CSMD1: variants seen among roughly 807,000 people sequenced by gnomAD.
CSMD1 encodes the protein CUB and Sushi multiple domains 1, also known as CUB and sushi domain-containing protein 1.
CSMD1 carries 213 observed loss-of-function variants against 417.5 expected under a neutral mutation model. That is an observed-to-expected ratio of 0.51 (90% confidence interval 0.46 to 0.57). The LOEUF (loss-of-function observed/expected upper bound fraction) is 0.57, where lower values mean the gene tolerates loss of function less well. Among genes scored for constraint, CSMD1 ranks in the 20% least tolerant of loss-of-function variants. The pLI is 0.00. For missense variants in CSMD1, 6,923 were observed against 4,529.7 expected (o/e 1.53, Z -15.17); for synonymous variants, 2,862 against 1,736.8 (o/e 1.65, Z -16.11).
At chr8:4,282,615 T>C (rs185597848) in intron 3 of CSMD1, among the ~76,000 whole-genome samples, 23 of 152,322 alleles carry the variant, frequency 1.5e-4, no homozygotes, top group Admixed American at 8.5e-4. Context: ...GGGAGAAAGG[T>C]AGTTAGTATA....
intron 7 of CSMD1, among the ~76,000 whole-genome samples, chr8:3,648,698 T>C (rs1484275680): frequency 6.6e-6 from 1 of 152,190 alleles, no homozygotes; most frequent in Non-Finnish European, 1.5e-5. Flanking sequence ...AAAAATGGTC[T>C]AAAAAGTGCC....
rs144430608 is a variant in CSMD1 at position 4,240,597 on chromosome 8, C to G, written c.415+179356G>C. On this transcript the variant is annotated intron_variant, in intron 3 of 69. Coordinates refer to ENST00000635120, the MANE Select transcript of CSMD1 (RefSeq NM_033225.6). ...TTTATCTTTTAGCTCAAAATGAACTCCTTTCACACTGAGGATGGCTATCCA... is the reference window on the plus strand; with the variant it reads ...TTTATCTTTTAGCTCAAAATGAACTGCTTTCACACTGAGGATGGCTATCCA... Among the ~76,000 whole-genome samples, 597 of 152,238 alleles carry G rather than the reference C, an allele frequency of 3.9e-3. 3 individuals carry two copies. Among genetic ancestry groups the G allele is most frequent in the African/African-American group, 0.014 (572 of 41,550 alleles).
At chr8:3,924,791 C>A (rs892941228) in intron 5 of CSMD1, among the ~76,000 whole-genome samples, 5 of 152,052 alleles carry the variant, frequency 3.3e-5, no homozygotes, top group African/African-American at 9.7e-5. Context: ...ACTCTCTATT[C>A]GTGTTATCCT....
chr8:4,114,261 G>A (rs1260643394), intron 3 of CSMD1, among the ~76,000 whole-genome samples: 2 of 152,166 alleles, frequency 1.3e-5, no homozygotes, highest in East Asian at 1.9e-4. Flanking sequence ...GGGCTCTTAA[G>A]AATGATGCTA....
intron 5 of CSMD1, among the ~76,000 whole-genome samples, chr8:3,893,675 C>A (rs865817676): frequency 6.6e-6 from 1 of 151,846 alleles, no homozygotes; most frequent in Non-Finnish European, 1.5e-5. Flanking sequence ...ATGGGCATGT[C>A]CTCAAAACAC....
chr8:3,354,797 A>T, intron 21 of CSMD1, among the ~76,000 whole-genome samples: 1 of 104,390 alleles, frequency 9.6e-6, no homozygotes, highest in African/African-American at 3.9e-5. Context: ...TATATCACTA[A>T]ACTCTCTCTC....
chr8:3,439,309 A>ATATAT, intron 12 of CSMD1, among the ~76,000 whole-genome samples: 83 of 62,418 alleles, frequency 1.3e-3, no homozygotes, highest in East Asian at 4.6e-3. Flanking sequence ...ATATATATAT[A>ATATAT]TTTTTTTTTT....
intron 10 of CSMD1, among the ~76,000 whole-genome samples, chr8:3,569,478 G>C (rs1000606617): frequency 6.6e-6 from 1 of 152,164 alleles, no homozygotes; most frequent in African/African-American, 2.4e-5. Flanking sequence ...TATTGACTAA[G>C]AGAGAATTGG....
At chr8:4,039,086 G>A (rs1287466082) in intron 3 of CSMD1, among the ~76,000 whole-genome samples, 1 of 152,028 alleles carries the variant, frequency 6.6e-6, no homozygotes, top group Admixed American at 6.6e-5. Flanking sequence ...TTACTACATG[G>A]GACAAGGCTA....
At chr8:3,524,614 C>G (rs927770295) in intron 10 of CSMD1, among the ~76,000 whole-genome samples, 1 of 151,482 alleles carries the variant, frequency 6.6e-6, no homozygotes, top group Non-Finnish European at 1.5e-5. Context: ...CACACATGCA[C>G]ATACACACAT....
At position 3,858,837 on chromosome 8, in the gene CSMD1, G is replaced by A. The variant is rs184389607; in HGVS notation, c.819-104795C>T. ...CGGGAAATAACATGACTTGCATGTT[G>A]CATTTTTGTTTCTGTAGAATGCTCC... On this transcript the variant is annotated intron_variant, in intron 5 of 69. Coordinates refer to ENST00000635120, the MANE Select transcript of CSMD1 (RefSeq NM_033225.6). 5.9e-5 allele frequency among the ~76,000 whole-genome samples: 9 copies of A among 152,188 alleles called. No individual in the cohort carries two copies. In the East Asian group the frequency reaches 1.2e-3, roughly 20 times the overall value.
At chr8:3,933,736 G>A (rs1474987058) in intron 5 of CSMD1, among the ~76,000 whole-genome samples, 2 of 152,124 alleles carry the variant, frequency 1.3e-5, no homozygotes, top group East Asian at 3.9e-4. Flanking sequence ...AATCCTAAAG[G>A]AGAAATGAGG....
At position 4,174,667 on chromosome 8, in the gene CSMD1, A is replaced by C. The variant is rs1295918001; in HGVS notation, c.416-142568T>G. Among the ~76,000 whole-genome samples the C allele has an allele frequency of 3.7e-5, 5 of 134,498 alleles. No homozygotes were observed. The Admixed American group carries it at 3.8e-4, about 10-fold the overall frequency. 88.2% of individuals were successfully genotyped at this position (134,498 alleles called of 152,430 possible). ...TGTAGGAATTATAGGAAACAGACCC[A>C]TGCTAACATGCTCAAAGAAAAAAGG... On this transcript the variant is annotated intron_variant, in intron 3 of 69. Coordinates refer to ENST00000635120, the MANE Select transcript of CSMD1 (RefSeq NM_033225.6).
At chr8:3,691,648 C>G (rs914434012) in intron 7 of CSMD1, among the ~76,000 whole-genome samples, 3 of 152,124 alleles carry the variant, frequency 2.0e-5, no homozygotes, top group African/African-American at 7.2e-5. Context: ...CCTAAGTACC[C>G]TTTCGTGGCA....
At chr8:3,537,568 T>C (rs940836662) in intron 10 of CSMD1, among the ~76,000 whole-genome samples, 1 of 152,260 alleles carries the variant, frequency 6.6e-6, no homozygotes, top group Non-Finnish European at 1.5e-5. Context: ...ATTTGCATGT[T>C]TGTTTTAGAT....
intron 9 of CSMD1, among the ~76,000 whole-genome samples, chr8:3,577,783 C>G (rs10113644): frequency 0.36 from 55,230 of 152,076 alleles, 10,455 homozygotes; most frequent in Non-Finnish European, 0.41. Context: ...TCTTTACCAT[C>G]TGATGATGCG....
At chr8:4,205,043 C>G (rs1378436678) in intron 3 of CSMD1, among the ~76,000 whole-genome samples, 6 of 152,250 alleles carry the variant, frequency 3.9e-5, no homozygotes, top group South Asian at 4.1e-4. Context: ...TAATTTACCT[C>G]TATTTTTTTC....
intron 12 of CSMD1, among the ~76,000 whole-genome samples, chr8:3,437,224 A>T (rs1814622066): frequency 1.3e-5 from 2 of 152,290 alleles, no homozygotes; most frequent in African/African-American, 4.8e-5. Flanking sequence ...TGCTCACTTG[A>T]TTTGATGTAT....
At chr8:4,078,608 T>G (rs2911715) in intron 3 of CSMD1, among the ~76,000 whole-genome samples, 1 of 144,900 alleles carries the variant, frequency 6.9e-6, no homozygotes, top group Non-Finnish European at 1.5e-5. Flanking sequence ...TGAAATATAA[T>G]TTTTTTTTTT....
Sources: allele counts gnomAD v4.1 joint callset (sites outside exome capture counted in the v4.1 genomes callset), GRCh38; gene constraint gnomAD v4.1.1; transcripts MANE v1.5; gene names NCBI Gene and HGNC (gene_info 2026-07-23, HGNC 2026-07-21).